The following UGT1A6 variants were observed in gnomAD, a reference collection of about 807,000 sequenced individuals.
UGT1A6 encodes the protein UDP-glucuronosyltransferase 1A6.
Under a neutral mutation model 44.4 loss-of-function variants are expected in UGT1A6, and 32 were observed. The ratio of observed to expected loss-of-function variants is 0.72; its 90% CI spans 0.54 to 0.97. The LOEUF (loss-of-function observed/expected upper bound fraction) is 0.97. Among genes scored for constraint, UGT1A6 ranks in the 50% least tolerant of loss-of-function variants. The probability of loss-of-function intolerance (pLI) is 0.00; values close to 1 mark genes in which losing one functional copy is unlikely to be tolerated. For missense variants in UGT1A6, 685 were observed against 661.9 expected (o/e 1.03, Z -0.38); for synonymous variants, 238 against 248.5 (o/e 0.96, Z 0.40).
At chr2:233,771,047 T>C (rs1700228624) in intron 4 of UGT1A6, 1 of 152,132 alleles carries the variant, frequency 6.6e-6, no homozygotes, top group South Asian at 2.1e-4. Flanking sequence ...TGCCACACAC[T>C]TTTTAATGAC....
chr2:233,768,055 T>C, intron 3 of UGT1A6, 119 bp downstream of exon 3: 1 of 1,603,392 alleles, frequency 6.2e-7, no homozygotes, highest in Non-Finnish European at 8.5e-7. Context: ...ATATCCTACA[T>C]TGCTTTTTAT....
At chr2:233,749,153 G>A (rs530115797) in intron 1 of UGT1A6, among the ~76,000 whole-genome samples, 14 of 151,714 alleles carry the variant, frequency 9.2e-5, no homozygotes, top group Non-Finnish European at 1.3e-4. Flanking sequence ...TCCATGACTT[G>A]ATCCTTTTGT....
At chr2:233,766,877 C>T (rs3213726) in intron 1 of UGT1A6, among the ~76,000 whole-genome samples, 157 bp from the exon 2 acceptor site, 1 of 152,218 alleles carries the variant, frequency 6.6e-6, no homozygotes, top group Non-Finnish European at 1.5e-5. Flanking sequence ...GAGGAAAATG[C>T]TGTAAAACTT....
At chr2:233,743,713 A>G (rs753029773) in intron 1 of UGT1A6, 5 of 1,367,332 alleles carry the variant, frequency 3.7e-6, no homozygotes, top group South Asian at 2.3e-5. Flanking sequence ...CCGCCTCGCC[A>G]TAGCGGTCAT....
At chr2:233,738,575 G>GGA (rs1690841736) in intron 1 of UGT1A6, among the ~76,000 whole-genome samples, 1 of 152,198 alleles carries the variant, frequency 6.6e-6, no homozygotes, top group African/African-American at 2.4e-5. Flanking sequence ...GTTGAGAACT[G>GGA]GAGCAAAGGT....
At chr2:233,711,765 G>A (rs539834648) in intron 1 of UGT1A6, among the ~76,000 whole-genome samples, 1 of 152,368 alleles carries the variant, frequency 6.6e-6, no homozygotes, top group South Asian at 2.1e-4. Flanking sequence ...CACAGAGGAA[G>A]TGAGATAGAA....
At chr2:233,725,207 GGCAGA>G (rs1192113071) in intron 1 of UGT1A6, among the ~76,000 whole-genome samples, 1 of 92,368 alleles carries the variant, frequency 1.1e-5, no homozygotes, top group African/African-American at 8.4e-5. Context: ...CAGAGGCAGA[GGCAGA>G]GGCAGAGGAG....
At chr2:233,759,674 A>G (rs1462532515) in intron 1 of UGT1A6, among the ~76,000 whole-genome samples, 1 of 125,012 alleles carries the variant, frequency 8.0e-6, no homozygotes, top group Admixed American at 1.1e-4. Flanking sequence ...TCATGTGTTT[A>G]AATTGTGAGT....
chr2:233,696,348 T>G (rs2075339428), intron 1 of UGT1A6, among the ~76,000 whole-genome samples: 1 of 152,086 alleles, frequency 6.6e-6, no homozygotes, highest in Non-Finnish European at 1.5e-5. Flanking sequence ...ATCTTTCACT[T>G]CCTTCCTTAA....
intron 2 of UGT1A6, 51 bp from the exon 3 acceptor site, chr2:233,767,798 C>G (rs1319499928): frequency 6.2e-7 from 1 of 1,614,062 alleles, no homozygotes; most frequent in Admixed American, 1.7e-5. Context: ...GATTTGTTTT[C>G]TAATCATATT....
intron 1 of UGT1A6, chr2:233,747,297 T>C: frequency 6.2e-7 from 1 of 1,601,102 alleles, no homozygotes; most frequent in Admixed American, 1.7e-5. Context: ...GGGCTGAGAG[T>C]GGGAAGGTGC....
chr2:233,709,581 A>G (rs981094993), intron 1 of UGT1A6, among the ~76,000 whole-genome samples: 1 of 152,230 alleles, frequency 6.6e-6, no homozygotes, highest in East Asian at 1.9e-4. Flanking sequence ...TTCAAAAAAT[A>G]TACCAGGATG....
chr2:233,766,445 C>A (rs1699154824), intron 1 of UGT1A6, among the ~76,000 whole-genome samples: 1 of 152,174 alleles, frequency 6.6e-6, no homozygotes, highest in African/African-American at 2.4e-5. Flanking sequence ...TGTGTGTCTG[C>A]CTGCTAGGGT....
intron 1 of UGT1A6, among the ~76,000 whole-genome samples, chr2:233,748,560 A>G (rs1345265737): frequency 1.3e-5 from 2 of 151,814 alleles, no homozygotes; most frequent in Admixed American, 1.3e-4. Context: ...CACTCGCAGG[A>G]AGTAGAAGTG....
In UGT1A6 at chr2:233,693,735, T is replaced by A. The variant is rs375588110; in HGVS notation, c.731T>A (p.Ile244Asn). 4.6e-5 allele frequency: 74 copies of A among 1,614,106 alleles called. No individual in the cohort carries two copies. The highest frequency in any genetic ancestry group is 3.3e-5 in the South Asian group (3 of 91,090). ...GTCCTCAAGAGAGATGTGGATATAA[T>A]CACCTTATATCAGAAGGTCTCTGTT... is the stretch of plus-strand genomic sequence containing the variant. ...SAVLKRDVDIITLYQKVSVWL... is the reference protein window; with the variant it reads ...SAVLKRDVDINTLYQKVSVWL... Residue 244 changes from isoleucine (I) to asparagine (N), a missense_variant, in exon 1 of 5, where the codon ATC (isoleucine) becomes AAC (asparagine). Ile to Asn is a moderately radical substitution (Grantham distance 149). Transcript: ENST00000305139.
At chr2:233,710,216 T>C (rs1250150176) in intron 1 of UGT1A6, among the ~76,000 whole-genome samples, 1 of 152,234 alleles carries the variant, frequency 6.6e-6, no homozygotes, top group Non-Finnish European at 1.5e-5. Flanking sequence ...CTATTATGAA[T>C]AAAGCTGCTA....
chr2:233,760,861 T>A, intron 1 of UGT1A6: 1 of 1,614,158 alleles, frequency 6.2e-7, no homozygotes, highest in Non-Finnish European at 8.5e-7. Flanking sequence ...CCCATTCTCC[T>A]ACGTGCCCAG....
intron 1 of UGT1A6, among the ~76,000 whole-genome samples, chr2:233,703,849 A>G (rs1436241192): frequency 6.6e-6 from 1 of 151,928 alleles, no homozygotes; most frequent in Non-Finnish European, 1.5e-5. Context: ...CACATTTAAT[A>G]CTATTATTGA....
chr2:233,734,138 TG>T (rs2078490713), intron 1 of UGT1A6, among the ~76,000 whole-genome samples: 1 of 152,142 alleles, frequency 6.6e-6, no homozygotes, highest in Non-Finnish European at 1.5e-5. Flanking sequence ...AATTTGGCTG[TG>T]AATCCATCTG....
Sources: allele counts gnomAD v4.1 joint callset (sites outside exome capture counted in the v4.1 genomes callset), GRCh38; gene constraint gnomAD v4.1.1; transcripts MANE v1.5; gene names NCBI Gene and HGNC (gene_info 2026-07-23, HGNC 2026-07-21).